DISC1: variants seen among roughly 807,000 people sequenced by gnomAD.
DISC1 encodes disrupted in schizophrenia 1 protein.
DISC1 carries 57 observed loss-of-function variants against 84.5 expected under a neutral mutation model. The ratio of observed to expected loss-of-function variants is 0.67; its 90% confidence interval spans 0.55 to 0.84. The LOEUF (loss-of-function observed/expected upper bound fraction) is 0.84. DISC1 is among the 40% of genes least tolerant of loss of function. DISC1 has a pLI of 0.00. For synonymous variants in DISC1, 411 were observed against 415.2 expected (o/e 0.99, Z 0.12); for missense variants, 1,000 against 1,057.8 (o/e 0.95, Z 0.76).
At chr1:231,709,079 G>T (rs1474654518) in intron 3 of DISC1, among the ~76,000 whole-genome samples, 3 of 152,128 alleles carry the variant, frequency 2.0e-5, no homozygotes, top group African/African-American at 7.2e-5. Context: ...TGAACAAAAT[G>T]TCATTTATTT....
intron 9 of DISC1, among the ~76,000 whole-genome samples, chr1:231,860,429 C>G (rs148674830): frequency 2.6e-4 from 40 of 152,204 alleles, no homozygotes; most frequent in African/African-American, 8.9e-4. Context: ...TCAGCATTTC[C>G]TTTGAGCATC....
chr1:231,899,395 C>T (rs1004374564), intron 9 of DISC1, among the ~76,000 whole-genome samples: 5 of 152,174 alleles, frequency 3.3e-5, no homozygotes, highest in Non-Finnish European at 7.3e-5. Context: ...GAACCACTGC[C>T]TTTGGGTGGG....
Position 231,826,124 on chromosome 1 carries a change from A to C in DISC1, c.1981+7607A>C, listed in dbSNP as rs542661232. On this transcript the variant is annotated intron_variant, in intron 9 of 12. Coordinates refer to ENST00000439617, the MANE Select transcript of DISC1 (RefSeq NM_018662.3). The surrounding 1 kb of genome is among the most constrained non-coding windows in gnomAD (Gnocchi z 4.2). ...AGACTTGACATACTTTAGTCATCTC[A>C]TCCTCTGGACCACTGTGGTACTGGC... Among the ~76,000 whole-genome samples, 5 of 152,294 alleles carry C rather than the reference A, an allele frequency of 3.3e-5. No homozygotes were observed. In the South Asian group the frequency reaches 1.0e-3, roughly 32 times the overall value.
intron 4 of DISC1, among the ~76,000 whole-genome samples, chr1:231,761,665 C>A (rs551318311): frequency 6.6e-6 from 1 of 152,360 alleles, no homozygotes; most frequent in South Asian, 2.1e-4. Flanking sequence ...CAATGACTCT[C>A]ATCCCGACCC....
Position 231,675,352 on chromosome 1 carries a change from T to G in DISC1, c.68-18474T>G, listed in dbSNP as rs2063038801. Among the ~76,000 whole-genome samples the G allele has an allele frequency of 6.6e-6, 1 of 152,088 alleles. No homozygotes were observed. Among genetic ancestry groups the G allele is most frequent in the Non-Finnish European group, 1.5e-5 (1 of 68,018 alleles). On this transcript the variant is annotated intron_variant, in intron 1 of 12. Coordinates refer to ENST00000439617, the MANE Select transcript of DISC1 (RefSeq NM_018662.3). The surrounding 1 kb of genome is among the most constrained non-coding windows in gnomAD (Gnocchi z 4.1). Reference sequence around the variant, plus strand: ...TCCCCAGCCCTACCCTATTGCACATTTTAGTGTGGCTTAGCTCTGTTGCCT... The same window carrying G: ...TCCCCAGCCCTACCCTATTGCACATGTTAGTGTGGCTTAGCTCTGTTGCCT...
At chr1:231,660,860 T>C (rs1040294579) in intron 1 of DISC1, among the ~76,000 whole-genome samples, 1 of 152,234 alleles carries the variant, frequency 6.6e-6, no homozygotes, top group Non-Finnish European at 1.5e-5. Context: ...TGCTTCATAG[T>C]GTCACTGGTC....
chr1:232,029,285 T>C lies in DISC1; in HGVS notation c.2425+2733T>C, dbSNP rs74144339. Among the ~76,000 whole-genome samples the C allele has an allele frequency of 7.6e-3, 1,164 of 152,304 alleles. 19 individuals carry two copies. Among genetic ancestry groups the C allele is most frequent in the African/African-American group, 0.026 (1,086 of 41,546 alleles). On this transcript the variant is annotated intron_variant, in intron 12 of 12. Transcript: ENST00000439617. ...TCGAATCCCAGTCTTCTGTCACTGATTGAGAATAAATACACAGAAGGTGTC... is the reference window on the plus strand; with the variant it reads ...TCGAATCCCAGTCTTCTGTCACTGACTGAGAATAAATACACAGAAGGTGTC...
intron 9 of DISC1, among the ~76,000 whole-genome samples, chr1:231,852,145 G>A (rs962403758): frequency 6.6e-6 from 1 of 152,178 alleles, no homozygotes; most frequent in African/African-American, 2.4e-5. Context: ...GCGAGGGGTA[G>A]CATGGGATTA....
intron 10 of DISC1, among the ~76,000 whole-genome samples, chr1:231,961,331 AC>A (rs1310210262): frequency 1.3e-5 from 2 of 152,140 alleles, no homozygotes; most frequent in Non-Finnish European, 2.9e-5. Flanking sequence ...AGGGTCTATG[AC>A]CTACAGTCAG....
chr1:231,790,624 T>C (rs2078266938), intron 6 of DISC1, among the ~76,000 whole-genome samples: 1 of 152,026 alleles, frequency 6.6e-6, no homozygotes, highest in African/African-American at 2.4e-5. Flanking sequence ...GTTCACGCCA[T>C]TCTCCTGCCT....
intron 10 of DISC1, among the ~76,000 whole-genome samples, chr1:231,967,757 T>C (rs1223720673): frequency 6.6e-6 from 1 of 152,216 alleles, no homozygotes; most frequent in East Asian, 1.9e-4. Context: ...AAATCATTAA[T>C]TTGATAATCA....
Position 231,818,469 on chromosome 1 carries a change from G to T in DISC1, c.1933G>T (p.Asp645Tyr). ...CAAAAAGCTGGGAAGTGTTAAAGAA[G>T]ATTACAACAGACTGAGAAGAGAAGT... The part of the protein sequence containing the change: ...NVKKLGSVKE[D>Y]YNRLRREVEH... Residue 645 changes from aspartate to tyrosine, a missense_variant, in exon 9 of 13, where the codon GAT becomes TAT. Transcript: ENST00000439617. 1 of 1,614,144 alleles carries T rather than the reference G, an allele frequency of 6.2e-7. No individual in the cohort carries two copies. Among genetic ancestry groups the T allele is most frequent in the Non-Finnish European group, 8.5e-7 (1 of 1,180,004 alleles).
chr1:231,819,459 G>A (rs1052056095), intron 9 of DISC1, among the ~76,000 whole-genome samples: 1 of 151,562 alleles, frequency 6.6e-6, no homozygotes, highest in African/African-American at 2.4e-5. Context: ...TTTGTGTAGA[G>A]AGAGGTTTCT....
chr1:231,626,973 G>T, intron 1 of DISC1, 39 bp downstream of exon 1: 1 of 1,417,922 alleles, frequency 7.1e-7, no homozygotes, highest in South Asian at 1.4e-5. Context: ...CGTCCTGGGG[G>T]GGTCCTGGCA....
intron 11 of DISC1, among the ~76,000 whole-genome samples, chr1:232,022,890 T>C (rs1669098201): frequency 6.6e-6 from 1 of 152,206 alleles, no homozygotes; most frequent in African/African-American, 2.4e-5. Flanking sequence ...TGCACAAGCC[T>C]GAGAGAGATC....
At chr1:231,792,371 A>G (rs1318345489) in intron 6 of DISC1, among the ~76,000 whole-genome samples, 1 of 152,058 alleles carries the variant, frequency 6.6e-6, no homozygotes, top group African/African-American at 2.4e-5. Context: ...TTTTTGTGAT[A>G]TGTTGGGCAT....
At chr1:231,806,423 G>GT (rs886345536) in intron 8 of DISC1, among the ~76,000 whole-genome samples, 52 of 152,272 alleles carry the variant, frequency 3.4e-4, no homozygotes, top group African/African-American at 1.3e-3. Flanking sequence ...TTTTTGTTTG[G>GT]TTTTCAGCTC....
intron 3 of DISC1, among the ~76,000 whole-genome samples, chr1:231,747,591 T>G (rs900436077): frequency 1.3e-5 from 2 of 152,232 alleles, no homozygotes; most frequent in Non-Finnish European, 2.9e-5. Flanking sequence ...GATTAATTTC[T>G]GGATTCTCAA....
intron 3 of DISC1, chr1:231,722,643 C>T: frequency 1.2e-6 from 2 of 1,613,648 alleles, no homozygotes; most frequent in Non-Finnish European, 1.7e-6. Context: ...AAATAGATAT[C>T]CACACAGCGT....
Sources: gnomAD v4.1 joint callset for allele counts (sites outside exome capture counted in the v4.1 genomes callset) on GRCh38, gnomAD v4.1.1 for gene constraint, Gnocchi (gnomAD v3.1) non-coding constraint, MANE v1.5 for transcripts, NCBI Gene and HGNC (gene_info 2026-07-23, HGNC 2026-07-21) for gene names.